ZNF579: variants seen among roughly 807,000 people sequenced by gnomAD.
The protein encoded by ZNF579 is zinc finger protein 579.
Under a neutral mutation model 5.7 loss-of-function variants are expected in ZNF579, and 3 were observed. The observed-to-expected ratio is 0.53, with a 90% CI of 0.24 to 1.36. The LOEUF (loss-of-function observed/expected upper bound fraction) is 1.36. Ranked by LOEUF, ZNF579 falls within the 40% of genes most tolerant of loss-of-function variation. The pLI is 0.16. For missense variants in ZNF579, 679 were observed against 877.6 expected, an observed-to-expected ratio of 0.77 and a Z score of 2.86; for synonymous variants, 454 against 409.0, an observed-to-expected ratio of 1.11 and a Z score of -1.33.
rs1052645486 is a variant in ZNF579 at position 55,578,698 on chromosome 19, G to A, written c.942C>T (p.Arg314=). 6.3e-7 allele frequency: 1 copy of A among 1,578,138 alleles called. No individual in the cohort carries two copies. Among genetic ancestry groups the A allele is most frequent in the Non-Finnish European group, 8.6e-7 (1 of 1,167,356 alleles). The stretch of plus-strand genomic sequence containing the variant: ...GGGGGCCGTGGACGCGGCGGTGCTG[G>A]CGGAGGTAGGAGGCGAGGCGGAAGG... ...GLAFRLASYL[R]QHRRVHGPLS... is the part of the protein sequence containing the mutation. Residue 314 remains arginine, a synonymous_variant, in exon 2 of 2, where the codon CGC becomes CGT. Coordinates refer to ENST00000325421, the MANE Select transcript of ZNF579 (RefSeq NM_152600.3).
chr19:55,578,957 C>T lies in ZNF579; in HGVS notation c.683G>A (p.Trp228Ter). 1 of 1,551,434 alleles carries T rather than the reference C, an allele frequency of 6.4e-7. No homozygotes were observed. Among genetic ancestry groups the T allele is most frequent in the Non-Finnish European group, 8.7e-7 (1 of 1,152,492 alleles). Residue 228 changes from tryptophan to a stop codon, truncating the protein, a stop_gained, in exon 2 of 2, where the codon TGG (tryptophan) becomes TAG (stop). Coordinates refer to ENST00000325421, the MANE Select transcript of ZNF579 (RefSeq NM_152600.3). LOFTEE classifies it low-confidence loss of function (END_TRUNC). ...GCGGCAGCGCAGACACAGCAGCGTCCAGTCTGCCTGGAGCAGGACCTGTTT... is the reference window on the plus strand; with the variant it reads ...GCGGCAGCGCAGACACAGCAGCGTCTAGTCTGCCTGGAGCAGGACCTGTTT... ...EEKQVLLQADWTLLCLRCREA... is the reference protein window; with the variant it reads ...EEKQVLLQAD
rs996118869 is a variant in ZNF579 at position 55,580,840 on chromosome 19, G to T, written c.-48C>A. On this transcript the variant is annotated 5_prime_UTR_variant, in exon 1 of 2. Transcript: ENST00000325421. ...CTTCCTTCCCCACGGCCGGCCAAAC[G>T]CGGACGGTGGTGGCGGGGAGGGAGG... The T allele has an allele frequency of 3.3e-5, 5 of 151,566 alleles. No homozygotes were observed. Among genetic ancestry groups the T allele is most frequent in the Admixed American group, 2.6e-4 (4 of 15,216 alleles). The allele number at this position is 151,566 out of a possible 1,614,324, so 9.4% of individuals were successfully genotyped here. A position where few individuals can be genotyped will look rare whatever the true frequency, so the allele number is the denominator to read the frequency against.
Position 55,578,332 on chromosome 19 carries a change from C to G in ZNF579, c.1308G>C (p.Gly436=). 1 of 1,369,174 alleles carries G rather than the reference C, an allele frequency of 7.3e-7. No homozygotes were observed. The highest frequency in any genetic ancestry group is 9.4e-7 in the Non-Finnish European group (1 of 1,068,944). 84.8% of individuals were successfully genotyped at this position (1,369,174 alleles called of 1,614,324 possible). ...DLARHAQVHA[G]GPAPHPCPRC... is the part of the protein sequence containing the mutation. ...GGGGGCACGGGTGCGGGGCTGGGCC[C>G]CCCGCGTGCACCTGTGCGTGGCGCG... Residue 436 remains glycine, a synonymous_variant, in exon 2 of 2, where the codon GGG becomes GGC. Coordinates refer to ENST00000325421, the MANE Select transcript of ZNF579 (RefSeq NM_152600.3).
Position 55,577,326 on chromosome 19 carries a change from G to T in ZNF579, c.*625C>A. ...CGCGCGGAGCTTCCACAGGGCAGCG[G>T]TGACGATGATCTATCTTCTCACATT... On this transcript the variant is annotated 3_prime_UTR_variant, in exon 2 of 2. Transcript: ENST00000325421. 1 of 158,852 alleles carries T rather than the reference G, an allele frequency of 6.3e-6. No homozygotes were observed. Among genetic ancestry groups the T allele is most frequent in the Non-Finnish European group, 1.4e-5 (1 of 71,534 alleles). The allele number at this position is 158,852 out of a possible 1,614,324, so 9.8% of individuals were successfully genotyped here.
chr19:55,580,559 A>G (rs986927964), intron 1 of ZNF579, among the ~76,000 whole-genome samples: 1 of 134,966 alleles, frequency 7.4e-6, no homozygotes, highest in African/African-American at 2.9e-5. Context: ...GGGGCTGGGG[A>G]CCCAGCTGCC....
Position 55,578,550 on chromosome 19 carries a change from C to G in ZNF579, c.1090G>C (p.Gly364Arg). 1 of 1,431,478 alleles carries G rather than the reference C, an allele frequency of 7.0e-7. No individual in the cohort carries two copies. Among genetic ancestry groups the G allele is most frequent in the South Asian group, 1.5e-5 (1 of 67,814 alleles). The allele number at this position is 1,431,478 out of a possible 1,614,324, so 88.7% of individuals were successfully genotyped here. The change falls in exon 2 of 2, where the codon GGA becomes CGA. Residue 364 changes from glycine (G) to arginine (R), a missense_variant. Coordinates refer to ENST00000325421, the MANE Select transcript of ZNF579 (RefSeq NM_152600.3). ...GAECGGASEG[G>R]EGQNGGDAAP... ...GCGTCGCCTCCGTTCTGCCCTTCTC[C>G]CCCTTCCGAGGCACCCCCGCACTCC...
rs775117212 is a variant in ZNF579 at position 55,577,978 on chromosome 19, C to T, written c.1662G>A (p.Leu554=). The T allele has an allele frequency of 1.3e-6, 2 of 1,597,652 alleles. No homozygotes were observed. The highest frequency in any genetic ancestry group is 1.7e-6 in the Non-Finnish European group (2 of 1,172,350). ...AGGAGGCCAGGCCCCCCAGCCCGCG[C>T]AGGTGAGCCTTGCTGTCTACCTCTT... The part of the protein sequence containing the change: ...EEEEVDSKAH[L]RGLGGLAS Residue 554 remains leucine (L), a synonymous_variant, in exon 2 of 2, where the codon CTG becomes CTA. Coordinates refer to ENST00000325421, the MANE Select transcript of ZNF579 (RefSeq NM_152600.3).
Position 55,579,173 on chromosome 19 carries a change from G to C in ZNF579, c.467C>G (p.Thr156Ser). The C allele has an allele frequency of 6.6e-7, 1 of 1,525,378 alleles. No homozygotes were observed. The highest frequency in any genetic ancestry group is 1.2e-5 in the South Asian group (1 of 83,546). 94.5% of individuals were successfully genotyped at this position (1,525,378 alleles called of 1,614,324 possible). Residue 156 changes from threonine (T) to serine (S), a missense_variant, in exon 2 of 2, where the codon ACC (threonine) becomes AGC (serine). Physicochemically the swap from Thr to Ser is moderately conservative, Grantham distance 58. This residue lies in a region of ZNF579 where 209 missense variants were observed against 223.4 expected (regional missense o/e 0.94). Transcript: ENST00000325421. ...CTCCTCCGTGGCCCCTGCTGCAGCG[G>C]TGGTGGGCGGCTCCGAGCCCTCGTC... ...PQDEGSEPPT[T>S]AAAGATEEEA...
Position 55,578,816 on chromosome 19 carries a change from C to T in ZNF579, c.824G>A (p.Cys275Tyr). The change falls in exon 2 of 2, where the codon TGC becomes TAC. Residue 275 changes from cysteine (C) to tyrosine (Y), a missense_variant. Around this residue, in one of 6 missense-constraint regions of ZNF579, gnomAD observed 209 missense variants for 223.4 expected, o/e 0.94. Coordinates refer to ENST00000325421, the MANE Select transcript of ZNF579 (RefSeq NM_152600.3). ...CCAGGGCCTGGCGAAGGCCTTGAGG[C>T]AGATGGAGCACTGGTGTCGCTTGGG... Reference protein sequence around the residue: ...PRPKRHQCSICLKAFARPWSL... With the variant: ...PRPKRHQCSIYLKAFARPWSL... 6.2e-7 allele frequency: 1 copy of T among 1,602,364 alleles called. No individual in the cohort carries two copies. The highest frequency in any genetic ancestry group is 8.5e-7 in the Non-Finnish European group (1 of 1,174,142).
Position 55,578,168 on chromosome 19 carries a change from AGGGGCGGCG to A in ZNF579, c.1463_1471del (p.Pro488_Pro490del), listed in dbSNP as rs999710583. Reference sequence around the variant, plus strand: ...CCCTTCTTCCTCCTGCTCGGCCTTCAGGGGCGGCGGGGGCGGTGGCGGCGACGTCGGGGC... The same window carrying A: ...CCCTTCTTCCTCCTGCTCGGCCTTCAGGGGCGGTGGCGGCGACGTCGGGGC... On this transcript the variant is annotated inframe_deletion, in exon 2 of 2. Coordinates refer to ENST00000325421, the MANE Select transcript of ZNF579 (RefSeq NM_152600.3). 2.7e-5 allele frequency: 40 copies of A among 1,506,320 alleles called. No individual in the cohort carries two copies. In the African/African-American group the frequency reaches 5.3e-4, roughly 20 times the overall value. The allele number at this position is 1,506,320 out of a possible 1,614,324, so 93.3% of individuals were successfully genotyped here.
Position 55,578,911 on chromosome 19 carries a change from G to A in ZNF579, c.729C>T (p.Gly243=), listed in dbSNP as rs755985057. ...LRCREAFATK[G]ELKAHPCLRP... ...GCAGACACGGGTGCGCCTTGAGCTCGCCCTTGGTGGCGAAGGCTTCGCGGC... is the reference window on the plus strand; with the variant it reads ...GCAGACACGGGTGCGCCTTGAGCTCACCCTTGGTGGCGAAGGCTTCGCGGC... The change falls in exon 2 of 2, where the codon GGC becomes GGT. Residue 243 remains glycine, a synonymous_variant. Transcript: ENST00000325421. The A allele has an allele frequency of 1.0e-5, 16 of 1,584,388 alleles. No individual in the cohort carries two copies. The highest frequency in any genetic ancestry group is 1.4e-5 in the Non-Finnish European group (16 of 1,166,556).
Position 55,578,658 on chromosome 19 carries a change from G to A in ZNF579, c.982C>T (p.Pro328Ser). 1.3e-6 allele frequency: 2 copies of A among 1,532,052 alleles called. No homozygotes were observed. The highest frequency in any genetic ancestry group is 1.7e-6 in the Non-Finnish European group (2 of 1,149,982). The allele number at this position is 1,532,052 out of a possible 1,614,324, so 94.9% of individuals were successfully genotyped here. The change falls in exon 2 of 2, where the codon CCG becomes TCG. Residue 328 changes from proline to serine, a missense_variant. By Grantham distance (74) the Pro-to-Ser change is moderately conservative. Coordinates refer to ENST00000325421, the MANE Select transcript of ZNF579 (RefSeq NM_152600.3). Reference sequence around the variant, plus strand: ...TCCTTCTTGCCCGCCGCGGGCAGCGGGGCCAGCAGGCTGAGGGGGCCGTGG... The same window carrying A: ...TCCTTCTTGCCCGCCGCGGGCAGCGAGGCCAGCAGGCTGAGGGGGCCGTGG... Reference protein sequence around the residue: ...RVHGPLSLLAPLPAAGKKDDK... With the variant: ...RVHGPLSLLASLPAAGKKDDK...
chr19:55,579,451 C>A lies in ZNF579; in HGVS notation c.189G>T (p.Arg63=), dbSNP rs1376458879. 1.5e-6 allele frequency: 2 copies of A among 1,339,896 alleles called. No homozygotes were observed. 83.0% of individuals were successfully genotyped at this position (1,339,896 alleles called of 1,614,324 possible). ...GGGGCCGGAGCCCCGAGTGGCTCAG[C>A]CGGTGCCGGGAGAGGTAGTAGGGGA... is the stretch of plus-strand genomic sequence containing the variant. ...FRFPYYLSRH[R]LSHSGLRPHA... The change falls in exon 2 of 2, where the codon CGG becomes CGT. Residue 63 remains arginine (R), a synonymous_variant. Transcript: ENST00000325421.
rs1327127535 is a variant in ZNF579 at position 55,578,173 on chromosome 19, C to A, written c.1467G>T (p.Pro489=). The A allele has an allele frequency of 1.3e-6, 2 of 1,493,404 alleles. No individual in the cohort carries two copies. The highest frequency in any genetic ancestry group is 1.8e-6 in the Non-Finnish European group (2 of 1,122,592). 92.5% of individuals were successfully genotyped at this position (1,493,404 alleles called of 1,614,324 possible). A position where few individuals can be genotyped will look rare whatever the true frequency, so the allele number is the denominator to read the frequency against. The change falls in exon 2 of 2, where the codon CCG becomes CCT. Residue 489 remains proline, a synonymous_variant. Transcript: ENST00000325421. ...CTTCCTCCTGCTCGGCCTTCAGGGG[C>A]GGCGGGGGCGGTGGCGGCGACGTCG... The part of the protein sequence containing the change: ...QAPTSPPPPP[P]PLKAEQEEEG...
chr19:55,579,051 C>T lies in ZNF579; in HGVS notation c.589G>A (p.Glu197Lys). 1 of 1,530,046 alleles carries T rather than the reference C, an allele frequency of 6.5e-7. No individual in the cohort carries two copies. Among genetic ancestry groups the T allele is most frequent in the Non-Finnish European group, 8.7e-7 (1 of 1,144,588 alleles). The allele number at this position is 1,530,046 out of a possible 1,614,324, so 94.8% of individuals were successfully genotyped here. The change falls in exon 2 of 2, where the codon GAG becomes AAG. Residue 197 changes from glutamate to lysine, a missense_variant. Physicochemically the swap from Glu to Lys is moderately conservative, Grantham distance 56. Transcript: ENST00000325421. ...TCTGCTGCCCCGGCCTCGGCCTCCT[C>T]CGACTCCGACTCCCGGGGCTCCGCG... ...SAAEPRESES[E>K]EAEAGAAELR...
intron 1 of ZNF579, among the ~76,000 whole-genome samples, chr19:55,580,590 C>A (rs922001181): frequency 6.9e-6 from 1 of 145,358 alleles, no homozygotes; most frequent in East Asian, 2.1e-4. Context: ...AGGGAGGAGG[C>A]GACTGAGGGC....
In ZNF579 at chr19:55,579,182, G is replaced by A. The variant is rs1226328688; in HGVS notation, c.458C>T (p.Pro153Leu). 1.3e-6 allele frequency: 2 copies of A among 1,525,334 alleles called. No homozygotes were observed. 94.5% of individuals were successfully genotyped at this position (1,525,334 alleles called of 1,614,324 possible). The change falls in exon 2 of 2, where the codon CCG (proline) becomes CTG (leucine). Residue 153 changes from proline to leucine, a missense_variant. This residue lies in a region of ZNF579 where 209 missense variants were observed against 223.4 expected (regional missense o/e 0.94). Coordinates refer to ENST00000325421, the MANE Select transcript of ZNF579 (RefSeq NM_152600.3). ...SWGPQDEGSE[P>L]PTTAAAGATE... ...GGCCCCTGCTGCAGCGGTGGTGGGC[G>A]GCTCCGAGCCCTCGTCCTGCGGGCC...
At position 55,579,171 on chromosome 19, in the gene ZNF579, C is replaced by T. The variant is rs536053462; in HGVS notation, c.469G>A (p.Ala157Thr). Residue 157 changes from alanine to threonine, a missense_variant, in exon 2 of 2, where the codon GCT becomes ACT. By Grantham distance (58) the Ala-to-Thr change is moderately conservative. This residue lies in a region of ZNF579 where 209 missense variants were observed against 223.4 expected (regional missense o/e 0.94). Transcript: ENST00000325421. ...TCCTCCTCCGTGGCCCCTGCTGCAG[C>T]GGTGGTGGGCGGCTCCGAGCCCTCG... ...QDEGSEPPTT[A>T]AAGATEEEAV... 2.9e-5 allele frequency: 44 copies of T among 1,525,114 alleles called. No homozygotes were observed. The highest frequency in any genetic ancestry group is 5.9e-5 in the Admixed American group (3 of 50,644). The allele number at this position is 1,525,114 out of a possible 1,614,324, so 94.5% of individuals were successfully genotyped here.
Position 55,578,612 on chromosome 19 carries a change from C to G in ZNF579, c.1028G>C (p.Arg343Pro). 3.3e-6 allele frequency: 5 copies of G among 1,522,586 alleles called. No homozygotes were observed. Among genetic ancestry groups the G allele is most frequent in the Non-Finnish European group, 4.4e-6 (5 of 1,147,332 alleles). 94.3% of individuals were successfully genotyped at this position (1,522,586 alleles called of 1,614,324 possible). ...GKKDDKASGARNSAKGPEGGE... is the reference protein window; with the variant it reads ...GKKDDKASGAPNSAKGPEGGE... The stretch of plus-strand genomic sequence containing the variant: ...CCCCTCCGGCCCCTTGGCTGAGTTC[C>G]GTGCACCCGAGGCCTTGTCGTCCTT... The change falls in exon 2 of 2, where the codon CGG (arginine) becomes CCG (proline). Residue 343 changes from arginine to proline, a missense_variant. Transcript: ENST00000325421.
Sources: gnomAD v4.1 joint callset for allele counts (sites outside exome capture counted in the v4.1 genomes callset) on GRCh38, gnomAD v4.1.1 for gene constraint, gnomAD v4.1.1 regional missense constraint, MANE v1.5 for transcripts, NCBI Gene and HGNC (gene_info 2026-07-23, HGNC 2026-07-21) for gene names.